Variants in SYT1 observed in about 807,000 individuals in gnomAD.
The protein encoded by SYT1 is synaptotagmin 1.
In SYT1, 8 loss-of-function variants were observed where a neutral mutation model predicts 44.8. The observed-to-expected ratio is 0.18, with a 90% CI of 0.10 to 0.32. The LOEUF (loss-of-function observed/expected upper bound fraction) is 0.32, where lower values mean the gene tolerates loss of function less well. SYT1 is among the 10% of genes least tolerant of loss of function. The pLI, the probability that SYT1 is intolerant of heterozygous loss-of-function variation, is 1.00. For missense variants in SYT1, 286 were observed against 509.3 expected, an observed-to-expected ratio of 0.56 and a Z score of 4.22; for synonymous variants, 154 against 188.8, an observed-to-expected ratio of 0.82 and a Z score of 1.51.
intron 2 of SYT1, among the ~76,000 whole-genome samples, chr12:79,032,003 A>G (rs982458462): frequency 2.0e-5 from 3 of 151,134 alleles, no homozygotes; most frequent in Non-Finnish European, 1.5e-5. Flanking sequence ...CATAATAACT[A>G]AATATCCTGT....
intron 3 of SYT1, among the ~76,000 whole-genome samples, chr12:79,215,924 T>C (rs1353629512): frequency 6.8e-5 from 8 of 117,168 alleles, no homozygotes; most frequent in Admixed American, 2.6e-4. Flanking sequence ...CTTTCTTTTT[T>C]TTTTTTTTTT....
At chr12:78,897,147 T>A (rs1875407540) in intron 1 of SYT1, among the ~76,000 whole-genome samples, 1 of 151,928 alleles carries the variant, frequency 6.6e-6, no homozygotes, top group Admixed American at 6.6e-5. Flanking sequence ...TTTAAATATA[T>A]AATTCCTTCA....
chr12:79,224,750 T>A (rs79684947), intron 4 of SYT1, among the ~76,000 whole-genome samples: 1 of 9,910 alleles, frequency 1.0e-4, no homozygotes, highest in South Asian at 1.1e-3. Flanking sequence ...TTTATTTATT[T>A]TTTATTATTA....
chr12:79,194,817 C>A (rs1001710426), intron 3 of SYT1, among the ~76,000 whole-genome samples: 4 of 152,112 alleles, frequency 2.6e-5, no homozygotes, highest in African/African-American at 4.8e-5. Flanking sequence ...GTGAATATAA[C>A]CACTTCTAAC....
rs572093082 is a variant in SYT1 at position 79,139,188 on chromosome 12, G to A, written c.-17-78315G>A. ...GCTCACAGCCTCATTCCTTATTCTC[G>A]GTTTGAGGTTGAAAGGTTTAAATCT... On this transcript the variant is annotated intron_variant, in intron 3 of 10. Transcript: ENST00000261205. 4.4e-4 allele frequency among the ~76,000 whole-genome samples: 67 copies of A among 152,166 alleles called. 1 individual carries two copies. The highest frequency in any genetic ancestry group is 3.7e-3 in the South Asian group (18 of 4,806).
intron 9 of SYT1, among the ~76,000 whole-genome samples, chr12:79,407,950 C>A (rs1296430466): frequency 6.6e-6 from 1 of 152,108 alleles, no homozygotes; most frequent in Admixed American, 6.6e-5. Flanking sequence ...GTTCAAACTG[C>A]CTTCTAACAC....
At chr12:79,406,058 GA>G (rs1885232985) in intron 9 of SYT1, among the ~76,000 whole-genome samples, 1 of 152,088 alleles carries the variant, frequency 6.6e-6, no homozygotes, top group Admixed American at 6.6e-5. Flanking sequence ...AATTAATATG[GA>G]AATGAAAGAG....
At chr12:78,891,454 A>G (rs1875046954) in intron 1 of SYT1, among the ~76,000 whole-genome samples, 1 of 151,932 alleles carries the variant, frequency 6.6e-6, no homozygotes, top group African/African-American at 2.4e-5. Flanking sequence ...CCAAGGCTGC[A>G]TTTTGTACAA....
At chr12:79,068,514 T>C (rs185893455) in intron 3 of SYT1, among the ~76,000 whole-genome samples, 215 of 152,264 alleles carry the variant, frequency 1.4e-3, no homozygotes, top group Non-Finnish European at 2.3e-3. Context: ...TCAAGAATAA[T>C]AGTTATGCTC....
rs1219627413 is a variant in SYT1, at chr12:79,425,654, CCTT to C, written c.929-18416_929-18414del. 1.1e-4 allele frequency among the ~76,000 whole-genome samples: 16 copies of C among 152,216 alleles called. No individual in the cohort carries two copies. The East Asian group carries it at 2.7e-3, about 26-fold the overall frequency. On this transcript the variant is annotated intron_variant, in intron 9 of 10. Coordinates refer to ENST00000261205, the MANE Select transcript of SYT1 (RefSeq NM_005639.3). ...AAATTTTCTTCAACTAAATATAACTCCTTCTCTTTCAATATTTTTTAGAAGTAC... is the reference window on the plus strand; with the variant it reads ...AAATTTTCTTCAACTAAATATAACTCCTCTTTCAATATTTTTTAGAAGTAC...
At chr12:78,943,366 G>A (rs1878487064) in intron 1 of SYT1, among the ~76,000 whole-genome samples, 1 of 152,132 alleles carries the variant, frequency 6.6e-6, no homozygotes, top group Non-Finnish European at 1.5e-5. Context: ...TTACAATCAT[G>A]GCAGATTACA....
chr12:79,402,274 G>A (rs1401196854), intron 9 of SYT1, among the ~76,000 whole-genome samples: 2 of 152,286 alleles, frequency 1.3e-5, no homozygotes, highest in East Asian at 3.9e-4. Flanking sequence ...GCTACTTTCT[G>A]AAGCTGCCAT....
At chr12:78,892,242 T>A (rs1331587382) in intron 1 of SYT1, among the ~76,000 whole-genome samples, 1 of 151,754 alleles carries the variant, frequency 6.6e-6, no homozygotes, top group Non-Finnish European at 1.5e-5. Context: ...GAAAACATCA[T>A]CTTATCACGT....
intron 4 of SYT1, among the ~76,000 whole-genome samples, chr12:79,224,431 G>A (rs1441800493): frequency 3.3e-5 from 5 of 152,108 alleles, no homozygotes; most frequent in Admixed American, 1.3e-4. Context: ...GGATGACCAG[G>A]GCTGGTTTCC....
At chr12:79,096,853 A>G (rs1878163384) in intron 3 of SYT1, among the ~76,000 whole-genome samples, 1 of 152,036 alleles carries the variant, frequency 6.6e-6, no homozygotes, top group Admixed American at 6.6e-5. Context: ...CCATATTCAC[A>G]GTGAGGTGGG....
At chr12:78,941,352 G>GT (rs1592586889) in intron 1 of SYT1, among the ~76,000 whole-genome samples, 1 of 151,282 alleles carries the variant, frequency 6.6e-6, no homozygotes, top group Non-Finnish European at 1.5e-5. Flanking sequence ...GATTACAGGC[G>GT]TGAGTCACCG....
chr12:79,056,625 G>C (rs185345897), intron 3 of SYT1, among the ~76,000 whole-genome samples: 1 of 152,136 alleles, frequency 6.6e-6, no homozygotes, highest in East Asian at 1.9e-4. Context: ...AGACTGAACA[G>C]ATGTCCAGAA....
chr12:79,177,716 C>CTGACT (rs1456799006), intron 3 of SYT1, among the ~76,000 whole-genome samples: 1 of 127,456 alleles, frequency 7.8e-6, no homozygotes, highest in African/African-American at 3.1e-5. Context: ...CTGTTGTTCC[C>CTGACT]TGACTTTTTA....
At chr12:79,065,203 T>A (rs1241134161) in intron 3 of SYT1, among the ~76,000 whole-genome samples, 60 of 152,048 alleles carry the variant, frequency 3.9e-4, no homozygotes, top group Admixed American at 3.9e-3. Flanking sequence ...TGAAAACCCG[T>A]CTTCACAAAA....
Sources: allele counts gnomAD v4.1 joint callset (sites outside exome capture counted in the v4.1 genomes callset), GRCh38; gene constraint gnomAD v4.1.1; transcripts MANE v1.5; gene names NCBI Gene and HGNC (gene_info 2026-07-23, HGNC 2026-07-21).